Variants in SHQ1 observed in about 807,000 individuals in gnomAD.
SHQ1 encodes the protein protein SHQ1 homolog.
SHQ1 carries 49 observed loss-of-function variants against 53.8 expected under a neutral mutation model. That is an observed-to-expected ratio of 0.91 (90% confidence interval 0.72 to 1.16). The LOEUF (loss-of-function observed/expected upper bound fraction) is 1.16, where lower values mean the gene tolerates loss of function less well. SHQ1 is among the 50% of genes most tolerant of loss of function. The probability of loss-of-function intolerance (pLI) is 0.00; values close to 1 mark genes in which losing one functional copy is unlikely to be tolerated. For synonymous variants in SHQ1, 243 were observed against 251.0 expected, an observed-to-expected ratio of 0.97 and a Z score of 0.30; for missense variants, 738 against 683.1, an observed-to-expected ratio of 1.08 and a Z score of -0.90.
intron 10 of SHQ1, among the ~76,000 whole-genome samples, chr3:72,779,281 C>A (rs1706024383): frequency 6.6e-6 from 1 of 152,098 alleles, no homozygotes; most frequent in South Asian, 2.1e-4. Flanking sequence ...TGCCACAGAG[C>A]CTTTGCACAT....
chr3:72,804,638 G>A (rs1460853326), intron 9 of SHQ1, among the ~76,000 whole-genome samples: 2 of 152,114 alleles, frequency 1.3e-5, no homozygotes, highest in African/African-American at 4.8e-5. Flanking sequence ...TTTGATTCAT[G>A]TCTGCTGAAT....
intron 5 of SHQ1, among the ~76,000 whole-genome samples, chr3:72,831,008 C>T (rs1260676922): frequency 6.6e-6 from 1 of 152,152 alleles, no homozygotes; most frequent in Non-Finnish European, 1.5e-5. Flanking sequence ...TTTATGCTAG[C>T]CTGAGAAATT....
chr3:72,773,825 A>G (rs1215129324), intron 10 of SHQ1, among the ~76,000 whole-genome samples: 1 of 152,248 alleles, frequency 6.6e-6, no homozygotes, highest in Non-Finnish European at 1.5e-5. Flanking sequence ...GACAAGACCA[A>G]AAACCCAAAA....
intron 5 of SHQ1, among the ~76,000 whole-genome samples, chr3:72,829,494 T>C (rs1035660357): frequency 6.6e-6 from 1 of 152,178 alleles, no homozygotes; most frequent in Non-Finnish European, 1.5e-5. Flanking sequence ...AGACAAATAT[T>C]TGTTGAACAA....
At chr3:72,802,997 G>C (rs1706835434) in intron 9 of SHQ1, among the ~76,000 whole-genome samples, 1 of 152,168 alleles carries the variant, frequency 6.6e-6, no homozygotes, top group African/African-American at 2.4e-5. Flanking sequence ...ATCAGGTTGA[G>C]ACTCAGTCTC....
intron 9 of SHQ1, among the ~76,000 whole-genome samples, chr3:72,809,300 CT>C (rs779016563): frequency 2.6e-5 from 4 of 152,058 alleles, no homozygotes; most frequent in Non-Finnish European, 5.9e-5. Context: ...ATTTTAAGCA[CT>C]GAAATTAGAC....
At chr3:72,828,546 T>C (rs535676934) in intron 5 of SHQ1, among the ~76,000 whole-genome samples, 1 of 152,046 alleles carries the variant, frequency 6.6e-6, no homozygotes, top group South Asian at 2.1e-4. Flanking sequence ...AAATACAAGT[T>C]AGCTGGGCAT....
At chr3:72,845,551 A>G (rs181209731) in intron 1 of SHQ1, among the ~76,000 whole-genome samples, 64 of 152,234 alleles carry the variant, frequency 4.2e-4, no homozygotes, top group Admixed American at 1.6e-3. Context: ...TAGTTCAATC[A>G]GTCTTCCACT....
At chr3:72,747,144 G>A (rs1262601974), downstream of SHQ1, among the ~76,000 whole-genome samples, 3 of 152,282 alleles carry the variant, frequency 2.0e-5, no homozygotes, top group Middle Eastern at 3.4e-3. Context: ...ATTAATAGAT[G>A]AGATTTCATT....
At chr3:72,839,130 T>C (rs1289148003) in intron 4 of SHQ1, among the ~76,000 whole-genome samples, 1 of 152,204 alleles carries the variant, frequency 6.6e-6, no homozygotes, top group Non-Finnish European at 1.5e-5. Flanking sequence ...AACAAATCCC[T>C]GGCCTCAAAG....
intron 9 of SHQ1, among the ~76,000 whole-genome samples, chr3:72,803,881 T>C (rs746006023): frequency 9.9e-5 from 15 of 152,136 alleles, no homozygotes; most frequent in Non-Finnish European, 2.1e-4. Context: ...CAATACAAGA[T>C]GGATTTGGCC....
In SHQ1 at chr3:72,784,644, AC is replaced by A. The variant is rs1239723890; in HGVS notation, c.1181+8271del. ...AGGTTTAACTTGCTTGAAATTACGC[AC>A]AATTGTTTCTTGAAACTTCTACATG... is the stretch of plus-strand genomic sequence containing the variant. On this transcript the variant is annotated intron_variant, in intron 10 of 10. Coordinates refer to ENST00000325599, the MANE Select transcript of SHQ1 (RefSeq NM_018130.3). Among the ~76,000 whole-genome samples the A allele has an allele frequency of 2.0e-5, 3 of 152,226 alleles. No homozygotes were observed. The East Asian group carries it at 5.8e-4, about 29-fold the overall frequency.
At chr3:72,807,051 T>C (rs1228310570) in intron 9 of SHQ1, among the ~76,000 whole-genome samples, 2 of 152,200 alleles carry the variant, frequency 1.3e-5, no homozygotes, top group African/African-American at 4.8e-5. Context: ...TAGGCATACA[T>C]TCAAAATATG....
intron 5 of SHQ1, among the ~76,000 whole-genome samples, chr3:72,828,796 T>C (rs1001101901): frequency 6.6e-6 from 1 of 152,116 alleles, no homozygotes; most frequent in Admixed American, 6.5e-5. Flanking sequence ...AAAGTGAAGC[T>C]ACAGAGGTAG....
intron 10 of SHQ1, among the ~76,000 whole-genome samples, chr3:72,790,283 T>C (rs903524635): frequency 1.3e-5 from 2 of 152,204 alleles, no homozygotes; most frequent in Non-Finnish European, 2.9e-5. Context: ...TATAACTTCA[T>C]CGATTCAATG....
chr3:72,838,946 C>T (rs530849748), intron 4 of SHQ1, among the ~76,000 whole-genome samples: 4 of 147,600 alleles, frequency 2.7e-5, no homozygotes, highest in Non-Finnish European at 6.0e-5. Flanking sequence ...GAAAGTATAG[C>T]AGCTTAAAAA....
chr3:72,824,287 C>A (rs112981058), intron 6 of SHQ1, 137 bp downstream of exon 6: 2 of 1,053,776 alleles, frequency 1.9e-6, no homozygotes, highest in East Asian at 6.1e-5. Flanking sequence ...AAGTCATTTC[C>A]AAAATTAGCA....
chr3:72,833,540 GATA>G (rs1214566053), intron 4 of SHQ1, among the ~76,000 whole-genome samples: 7 of 78,952 alleles, frequency 8.9e-5, no homozygotes, highest in Non-Finnish European at 1.6e-4. Flanking sequence ...TAGACAGATA[GATA>G]GATAGATAGA....
At chr3:72,808,495 C>T (rs117275224) in intron 9 of SHQ1, among the ~76,000 whole-genome samples, 2 of 152,274 alleles carry the variant, frequency 1.3e-5, no homozygotes, top group East Asian at 3.9e-4. Context: ...CCACTGACTT[C>T]ACTTCTTTGA....
Sources: allele counts gnomAD v4.1 joint callset (sites outside exome capture counted in the v4.1 genomes callset), GRCh38; gene constraint gnomAD v4.1.1; transcripts MANE v1.5; gene names NCBI Gene and HGNC (gene_info 2026-07-23, HGNC 2026-07-21).